MALL: variants seen among roughly 807,000 people sequenced by gnomAD.
MALL encodes the protein MAL-like protein.
MALL carries 2 observed loss-of-function variants against 10.3 expected under a neutral mutation model. That is an observed-to-expected ratio of 0.19 (90% CI 0.08 to 0.61). The LOEUF (loss-of-function observed/expected upper bound fraction) is 0.61. Among genes scored for constraint, MALL ranks in the 20% least tolerant of loss-of-function variants. The probability of loss-of-function intolerance (pLI) is 0.88; values close to 1 mark genes in which losing one functional copy is unlikely to be tolerated. For synonymous variants in MALL, 27 were observed against 51.8 expected (o/e 0.52, Z 2.05); for missense variants, 39 against 115.2 (o/e 0.34, Z 3.03).
chr2:110,115,228 G>T (rs1307458617), intron 1 of MALL, among the ~76,000 whole-genome samples: 1 of 152,196 alleles, frequency 6.6e-6, no homozygotes. Context: ...AAACCAGAAA[G>T]GCACAAATAG....
intron 1 of MALL, among the ~76,000 whole-genome samples, chr2:110,101,245 G>A (rs1450729552): frequency 6.6e-6 from 1 of 152,166 alleles, no homozygotes; most frequent in African/African-American, 2.4e-5. Context: ...GTAGGGGTGT[G>A]GCAGGTCTGT....
intron 1 of MALL, 112 bp from the exon 2 acceptor site, chr2:110,091,882 G>T (rs1678378335): frequency 7.1e-7 from 1 of 1,411,102 alleles, no homozygotes; most frequent in Non-Finnish European, 9.2e-7. Flanking sequence ...GAAGTTAGGA[G>T]GGAACCAAGA....
At chr2:110,100,502 C>T (rs750271985) in intron 1 of MALL, among the ~76,000 whole-genome samples, 14 of 151,652 alleles carry the variant, frequency 9.2e-5, no homozygotes, top group Admixed American at 2.6e-4. Flanking sequence ...CTTAAGCAGA[C>T]TAGGATGTAA....
At chr2:110,115,446 G>A (rs947168394) in intron 1 of MALL, among the ~76,000 whole-genome samples, 1 of 130,746 alleles carries the variant, frequency 7.6e-6, no homozygotes, top group African/African-American at 3.1e-5. Context: ...TGGGAGGCTG[G>A]CAGCCACCGC....
chr2:110,095,679 G>A (rs1254928606), intron 1 of MALL, among the ~76,000 whole-genome samples: 2 of 150,476 alleles, frequency 1.3e-5, no homozygotes, highest in Admixed American at 6.6e-5. Context: ...AAATCTAATC[G>A]CGTCATCATT....
intron 1 of MALL, among the ~76,000 whole-genome samples, chr2:110,113,416 C>T (rs1469142627): frequency 8.0e-6 from 1 of 124,644 alleles, no homozygotes; most frequent in Non-Finnish European, 1.6e-5. Context: ...CCAGCCTGGA[C>T]GACAGCGAGA....
At chr2:110,112,840 CCAT>C (rs1475890848) in intron 1 of MALL, among the ~76,000 whole-genome samples, 2 of 150,562 alleles carry the variant, frequency 1.3e-5, no homozygotes, top group African/African-American at 4.9e-5. Flanking sequence ...ACTCAAATGC[CCAT>C]CAATCAATGG....
intron 1 of MALL, among the ~76,000 whole-genome samples, chr2:110,092,631 A>G (rs1379788424): frequency 9.1e-6 from 1 of 110,238 alleles, no homozygotes; most frequent in Non-Finnish European, 2.1e-5. Context: ...TCTCACGCAC[A>G]CCAACATGGC....
chr2:110,117,366 C>A (rs1052642537), upstream of MALL, among the ~76,000 whole-genome samples: 1 of 152,114 alleles, frequency 6.6e-6, no homozygotes. Flanking sequence ...AGAAGAAAAA[C>A]AACCTTCTTA....
upstream of MALL, among the ~76,000 whole-genome samples, chr2:110,118,025 T>G (rs1678957608): frequency 1.3e-5 from 2 of 151,936 alleles, no homozygotes; most frequent in Non-Finnish European, 2.9e-5. Context: ...ACCAACAGCT[T>G]AGTAGTGTTT....
chr2:110,112,902 A>G (rs957408044), intron 1 of MALL, among the ~76,000 whole-genome samples: 16 of 150,042 alleles, frequency 1.1e-4, no homozygotes, highest in Non-Finnish European at 1.9e-4. Flanking sequence ...ATATAAATAT[A>G]TACATATATA....
At chr2:110,111,910 G>A (rs922619261) in intron 1 of MALL, among the ~76,000 whole-genome samples, 1 of 152,072 alleles carries the variant, frequency 6.6e-6, no homozygotes, top group African/African-American at 2.4e-5. Flanking sequence ...ACAGAATAGA[G>A]AACCCAGAAA....
rs533483238 is a variant in MALL, at chr2:110,101,407, G to C, written c.106-9637C>G. Among the ~76,000 whole-genome samples, 253 of 152,296 alleles carry C rather than the reference G, an allele frequency of 1.7e-3. 1 individual carries two copies. The highest frequency in any genetic ancestry group is 3.0e-3 in the Non-Finnish European group (201 of 68,016). On this transcript the variant is annotated intron_variant, in intron 1 of 3. Coordinates refer to ENST00000272462, the MANE Select transcript of MALL (RefSeq NM_005434.5). ...TTTTTCTGTGGCTTTAAGGCTAGCA[G>C]GAAATTGCCAGCCCAGGCCCCTAAG...
chr2:110,103,993 G>A (rs975985522), intron 1 of MALL, among the ~76,000 whole-genome samples: 1 of 152,152 alleles, frequency 6.6e-6, no homozygotes, highest in African/African-American at 2.4e-5. Context: ...TGGGATGTTA[G>A]GAGAGAAGTG....
At chr2:110,098,266 G>A (rs1041706264) in intron 1 of MALL, among the ~76,000 whole-genome samples, 2 of 151,652 alleles carry the variant, frequency 1.3e-5, no homozygotes, top group African/African-American at 4.9e-5. Context: ...TAAGTGTACA[G>A]TTCAGTGGCA....
chr2:110,113,652 C>T (rs1381604648), intron 1 of MALL, among the ~76,000 whole-genome samples: 1 of 151,688 alleles, frequency 6.6e-6, no homozygotes, highest in African/African-American at 2.4e-5. Context: ...AGATAAGGAC[C>T]CAGATTTTCC....
chr2:110,103,338 CTT>C (rs1407841225), intron 1 of MALL, among the ~76,000 whole-genome samples: 1 of 152,028 alleles, frequency 6.6e-6, no homozygotes, highest in East Asian at 1.9e-4. Context: ...AGGCTGGTCT[CTT>C]CAGGAGGCAA....
intron 1 of MALL, among the ~76,000 whole-genome samples, chr2:110,100,618 G>GT (rs1678544413): frequency 6.6e-6 from 1 of 152,178 alleles, no homozygotes; most frequent in African/African-American, 2.4e-5. Context: ...AGGTTGCGAT[G>GT]GAAATCTCTC....
At chr2:110,112,608 A>G (rs947842003) in intron 1 of MALL, among the ~76,000 whole-genome samples, 1 of 152,116 alleles carries the variant, frequency 6.6e-6, no homozygotes, top group African/African-American at 2.4e-5. Flanking sequence ...GATGTGGTGA[A>G]CAGGAAACAC....
Sources: allele counts gnomAD v4.1 joint callset (sites outside exome capture counted in the v4.1 genomes callset), GRCh38; gene constraint gnomAD v4.1.1; transcripts MANE v1.5; gene names NCBI Gene and HGNC (gene_info 2026-07-23, HGNC 2026-07-21).